Variants in ZNF789 observed in about 807,000 individuals in gnomAD.
The protein encoded by ZNF789 is zinc finger protein 789.
Under a neutral mutation model 15.6 loss-of-function variants are expected in ZNF789, and 11 were observed. The observed-to-expected ratio is 0.70, with a 90% CI of 0.44 to 1.16. ZNF789 has a LOEUF of 1.16. Among genes scored for constraint, ZNF789 ranks in the 50% most tolerant of loss-of-function variants. ZNF789 has a pLI of 0.00. For synonymous variants in ZNF789, 159 were observed against 176.0 expected (o/e 0.90, Z 0.76); for missense variants, 461 against 512.6 (o/e 0.90, Z 0.97).
At chr7:99,486,375 A>C in intron 4 of ZNF789, 101 bp from the exon 5 acceptor site, 1 of 1,177,420 alleles carries the variant, frequency 8.5e-7, no homozygotes, top group Non-Finnish European at 1.2e-6. Flanking sequence ...ATCACTTCTT[A>C]GCTTCATTTG....
At chr7:99,481,378 A>T (rs1475062695) in intron 3 of ZNF789, 2 of 152,220 alleles carry the variant, frequency 1.3e-5, no homozygotes, top group Non-Finnish European at 2.9e-5. Flanking sequence ...ATGAGATGGC[A>T]CTTTAATCTT....
At chr7:99,485,466 C>T in intron 4 of ZNF789, 1 of 586,344 alleles carries the variant, frequency 1.7e-6, no homozygotes, top group Admixed American at 2.9e-5. Flanking sequence ...CCCTACTTCC[C>T]TCTGGTTCCT....
chr7:99,485,346 A>G, intron 4 of ZNF789: 5 of 861,338 alleles, frequency 5.8e-6, no homozygotes, highest in Non-Finnish European at 9.4e-6. Context: ...TGCATCCACT[A>G]GATGCCAGTT....
At chr7:99,483,913 A>G in intron 3 of ZNF789, 117 bp from the exon 4 acceptor site, 1 of 841,514 alleles carries the variant, frequency 1.2e-6, no homozygotes, top group East Asian at 2.4e-5. Flanking sequence ...GATTGTGCCA[A>G]TCTCTATTCT....
chr7:99,478,073 G>A (rs1159166927), intron 2 of ZNF789, among the ~76,000 whole-genome samples: 7 of 152,262 alleles, frequency 4.6e-5, no homozygotes, highest in South Asian at 4.2e-4. Context: ...CAACTTTAAG[G>A]GAAACTATGT....
At chr7:99,479,617 GTTATT>G (rs1799512931) in intron 2 of ZNF789, 39 bp from the exon 3 acceptor site, 3 of 1,552,442 alleles carry the variant, frequency 1.9e-6, no homozygotes, top group Non-Finnish European at 2.6e-6. Flanking sequence ...TTGAGCGTAA[GTTATT>G]TTAAGAATTG....
At chr7:99,481,989 G>A (rs546816307) in intron 3 of ZNF789, 2 of 608,978 alleles carry the variant, frequency 3.3e-6, no homozygotes, top group South Asian at 2.0e-5. Context: ...AAATGCTGGG[G>A]ACCAAAAGTG....
intron 1 of ZNF789, among the ~76,000 whole-genome samples, chr7:99,474,894 A>C (rs1158848139): frequency 1.3e-5 from 2 of 151,840 alleles, no homozygotes; most frequent in African/African-American, 2.4e-5. Flanking sequence ...CTGAGGCAGG[A>C]GCATTGCTTA....
intron 4 of ZNF789, chr7:99,485,484 G>GCTATC: frequency 1.7e-6 from 1 of 576,420 alleles, no homozygotes; most frequent in Non-Finnish European, 3.1e-6. Flanking sequence ...CCTTTTCTAT[G>GCTATC]CTATCCTATA....
intron 2 of ZNF789, chr7:99,478,445 G>A (rs1799449020): frequency 9.2e-7 from 1 of 1,082,458 alleles, no homozygotes; most frequent in Middle Eastern, 2.9e-4. Context: ...TCTGGTGCCT[G>A]CCTGCAGAGG....
At chr7:99,483,851 A>G (rs1475480535) in intron 3 of ZNF789, 179 bp from the exon 4 acceptor site, 1 of 784,556 alleles carries the variant, frequency 1.3e-6, no homozygotes, top group Non-Finnish European at 2.4e-6. Flanking sequence ...ACCACAGCCA[A>G]AGGTATGAAC....
At chr7:99,475,184 G>C (rs1799254917) in intron 1 of ZNF789, among the ~76,000 whole-genome samples, 1 of 152,126 alleles carries the variant, frequency 6.6e-6, no homozygotes, top group Non-Finnish European at 1.5e-5. Flanking sequence ...CCTGAGATCA[G>C]GAGTTCAAGA....
At chr7:99,474,784 G>T (rs574647934) in intron 1 of ZNF789, among the ~76,000 whole-genome samples, 4 of 152,094 alleles carry the variant, frequency 2.6e-5, no homozygotes, top group African/African-American at 9.6e-5. Flanking sequence ...TTAAAAGGCA[G>T]AGGGTCCACC....
At position 99,476,483 on chromosome 7, in the gene ZNF789, G is replaced by C; in HGVS notation, c.24+3G>C. 1 of 1,611,870 alleles carries C rather than the reference G, an allele frequency of 6.2e-7. No homozygotes were observed. Among genetic ancestry groups the C allele is most frequent in the Non-Finnish European group, 8.5e-7 (1 of 1,179,280 alleles). On this transcript the variant is annotated splice_donor_region_variant and intron_variant, in intron 2 of 4. Transcript: ENST00000331410. ...TGTTCCCACCAGCCAGGGGGAAGGT[G>C]AGCTGTGCCTCCCCCTCTGCTTCAT...
At chr7:99,485,651 G>A (rs1041113744) in intron 4 of ZNF789, among the ~76,000 whole-genome samples, 4 of 152,120 alleles carry the variant, frequency 2.6e-5, no homozygotes. Context: ...GGCCAACATG[G>A]CGAAATATCA....
intron 3 of ZNF789, chr7:99,480,194 G>A: frequency 5.4e-6 from 1 of 184,070 alleles, no homozygotes; most frequent in Non-Finnish European, 1.1e-5. Flanking sequence ...GTGTGGTGGT[G>A]CACGCTTGTA....
In ZNF789 at chr7:99,487,360, C is replaced by A. The variant is rs1421829878; in HGVS notation, c.1150C>A (p.Leu384Ile). The A allele has an allele frequency of 3.7e-6, 6 of 1,614,114 alleles. No individual in the cohort carries two copies. Among genetic ancestry groups the A allele is most frequent in the Non-Finnish European group, 4.2e-6 (5 of 1,180,046 alleles). The change falls in exon 5 of 5, where the codon CTT (leucine) becomes ATT (isoleucine). Residue 384 changes from leucine to isoleucine, a missense_variant. Coordinates refer to ENST00000331410, the MANE Select transcript of ZNF789 (RefSeq NM_213603.3). The stretch of plus-strand genomic sequence containing the variant: ...GAAAACGTTTAGTTTTAAGAGGAAT[C>A]TTTTTCGACATCAGGTCATTCACAC... ...CGKTFSFKRNLFRHQVIHTGS... is the reference protein window; with the variant it reads ...CGKTFSFKRNIFRHQVIHTGS...
chr7:99,486,833 A>T lies in ZNF789; in HGVS notation c.623A>T (p.Lys208Ile). 1 of 1,614,190 alleles carries T rather than the reference A, an allele frequency of 6.2e-7. No individual in the cohort carries two copies. The highest frequency in any genetic ancestry group is 8.5e-7 in the Non-Finnish European group (1 of 1,180,036). The change falls in exon 5 of 5, where the codon AAA becomes ATA. Residue 208 changes from lysine (K) to isoleucine (I), a missense_variant. Lys to Ile is a moderately radical substitution (Grantham distance 102). Transcript: ENST00000331410. ...AKSYECSECGKVIRRKAWFDQ... is the reference protein window; with the variant it reads ...AKSYECSECGIVIRRKAWFDQ... ...TCTTATGAATGCAGTGAATGTGGAA[A>T]AGTCATTAGGCGTAAGGCATGGTTT...
intron 3 of ZNF789, 141 bp from the exon 4 acceptor site, chr7:99,483,889 C>T: frequency 1.3e-6 from 1 of 799,890 alleles, no homozygotes; most frequent in Non-Finnish European, 2.3e-6. Flanking sequence ...TAAAGACTGC[C>T]AGATATTTAC....
Sources: gnomAD v4.1 joint callset for allele counts (sites outside exome capture counted in the v4.1 genomes callset) on GRCh38, gnomAD v4.1.1 for gene constraint, MANE v1.5 for transcripts, NCBI Gene and HGNC (gene_info 2026-07-23, HGNC 2026-07-21) for gene names.